CCDC170: variants seen among roughly 807,000 people sequenced by gnomAD.
CCDC170 encodes coiled-coil domain containing 170, also known as coiled-coil domain-containing protein 170.
CCDC170 carries 69 observed loss-of-function variants against 72.6 expected under a neutral mutation model. The observed-to-expected ratio is 0.95, with a 90% CI of 0.78 to 1.16. The LOEUF (loss-of-function observed/expected upper bound fraction) is 1.16. CCDC170 is among the 50% of genes most tolerant of loss of function. The pLI is 0.00. For synonymous variants in CCDC170, 300 were observed against 303.9 expected, an observed-to-expected ratio of 0.99 and a Z score of 0.13; for missense variants, 852 against 832.5, an observed-to-expected ratio of 1.02 and a Z score of -0.29.
chr6:151,568,222 G>A (rs1776167230), intron 5 of CCDC170, among the ~76,000 whole-genome samples: 2 of 151,230 alleles, frequency 1.3e-5, no homozygotes, highest in Non-Finnish European at 2.9e-5. Flanking sequence ...TGATCTTGTT[G>A]GGACTGTGAA....
intron 9 of CCDC170, among the ~76,000 whole-genome samples, chr6:151,605,980 C>A (rs1240506981): frequency 6.6e-6 from 1 of 150,880 alleles, no homozygotes; most frequent in East Asian, 2.0e-4. Context: ...CAGCTCACTG[C>A]AACCTCTGCC....
intron 9 of CCDC170, among the ~76,000 whole-genome samples, chr6:151,600,574 T>C (rs890910137): frequency 1.3e-5 from 2 of 152,110 alleles, no homozygotes; most frequent in African/African-American, 4.8e-5. Flanking sequence ...CAAAGGCCCT[T>C]ATCTAAATAA....
intron 4 of CCDC170, among the ~76,000 whole-genome samples, chr6:151,547,275 A>G (rs1210268385): frequency 6.6e-6 from 1 of 152,216 alleles, no homozygotes; most frequent in Admixed American, 6.5e-5. Flanking sequence ...ATGAGACAAG[A>G]CTATGTCTAT....
intron 4 of CCDC170, 29 bp from the exon 5 acceptor site, chr6:151,548,275 T>C (rs748166775): frequency 4.0e-6 from 6 of 1,487,210 alleles, no homozygotes; most frequent in East Asian, 4.6e-5. Flanking sequence ...TTAATTTTTA[T>C]AGGACAGCTG....
In CCDC170 at chr6:151,596,428, C is replaced by T. The variant is rs376587476; in HGVS notation, c.1561C>T (p.Arg521Cys). 27 of 1,613,986 alleles carry T rather than the reference C, an allele frequency of 1.7e-5. No individual in the cohort carries two copies. The highest frequency in any genetic ancestry group is 3.3e-4 in the Middle Eastern group (2 of 6,084). ...CCAGCTGGAGGAGGAGAAGCAGGCA[C>T]GCACGGCCTTGGTGGTTGAGAGGGA... ...IAQLEEEKQA[R>C]TALVVERDNA... The change falls in exon 9 of 11, where the codon CGC becomes TGC. Residue 521 changes from arginine to cysteine, a missense_variant. Transcript: ENST00000239374.
At chr6:151,497,381 AAAAAT>A (rs1241967676) in intron 1 of CCDC170, among the ~76,000 whole-genome samples, 1 of 152,206 alleles carries the variant, frequency 6.6e-6, no homozygotes, top group African/African-American at 2.4e-5. Context: ...ACCCTGGCTC[AAAAAT>A]AAAATAAAAA....
chr6:151,573,055 T>A, intron 5 of CCDC170, 119 bp from the exon 6 acceptor site: 1 of 828,142 alleles, frequency 1.2e-6, no homozygotes, highest in Non-Finnish European at 1.9e-6. Flanking sequence ...ATGGAAGGAG[T>A]AATTAACCCA....
intron 6 of CCDC170, among the ~76,000 whole-genome samples, chr6:151,574,418 T>C (rs573107025): frequency 1.3e-5 from 2 of 152,250 alleles, no homozygotes; most frequent in South Asian, 4.2e-4. Context: ...TTTGTTTTCT[T>C]ATCTACAGAA....
At chr6:151,537,389 T>C (rs750764845) in intron 2 of CCDC170, among the ~76,000 whole-genome samples, 7 of 152,200 alleles carry the variant, frequency 4.6e-5, no homozygotes, top group East Asian at 1.9e-4. Flanking sequence ...AAGAAGTAGA[T>C]GCTTTCATAA....
At chr6:151,617,546 T>C (rs983666178) in intron 10 of CCDC170, among the ~76,000 whole-genome samples, 2 of 151,144 alleles carry the variant, frequency 1.3e-5, no homozygotes, top group Admixed American at 6.7e-5. Context: ...CTTCCTAGTA[T>C]GCAGAGCACA....
chr6:151,572,669 T>TTTTTTTTTTTTTTTTTTTTTG (rs1776239906), intron 5 of CCDC170, among the ~76,000 whole-genome samples: 2 of 142,644 alleles, frequency 1.4e-5, no homozygotes, highest in Non-Finnish European at 1.5e-5. Flanking sequence ...TTTTTTTTTT[T>TTTTTTTTTTTTTTTTTTTTTG]GATGGAGTCT....
In CCDC170 at chr6:151,573,633, A is replaced by G. The variant is rs1776261730; in HGVS notation, c.1092+142A>G. The G allele has an allele frequency of 6.9e-6, 6 of 869,918 alleles. No homozygotes were observed. In the East Asian group the frequency reaches 1.6e-4, roughly 23 times the overall value. The allele number at this position is 869,918 out of a possible 1,614,324, so 53.9% of individuals were successfully genotyped here. On this transcript the variant is annotated intron_variant, in intron 6 of 10. Transcript: ENST00000239374. ...GTAATTTATAAAGACAAAGAGGTTT[A>G]ATGGATTCACAGTTCCACATGGCTG... is the stretch of plus-strand genomic sequence containing the variant.
chr6:151,510,987 C>T lies in CCDC170; in HGVS notation c.57+16802C>T, dbSNP rs184711293. Among the ~76,000 whole-genome samples the T allele has an allele frequency of 2.4e-3, 369 of 152,230 alleles. 2 individuals are homozygous for T. Among genetic ancestry groups the T allele is most frequent in the Non-Finnish European group, 3.0e-3 (203 of 68,004 alleles). On this transcript the variant is annotated intron_variant, in intron 1 of 10. Coordinates refer to ENST00000239374, the MANE Select transcript of CCDC170 (RefSeq NM_025059.4). The stretch of plus-strand genomic sequence containing the variant: ...CAGACCTCAGGTGATCCACCTGCTT[C>T]GGCCTCCCAAAGTGCTGGGATTTCA...
chr6:151,616,928 T>G (rs1359024608), intron 10 of CCDC170, among the ~76,000 whole-genome samples: 1 of 152,126 alleles, frequency 6.6e-6, no homozygotes, highest in Non-Finnish European at 1.5e-5. Flanking sequence ...CACCTCCTAA[T>G]AGCTTCACAT....
At chr6:151,611,488 G>A (rs186638410) in intron 9 of CCDC170, among the ~76,000 whole-genome samples, 2 of 152,210 alleles carry the variant, frequency 1.3e-5, no homozygotes, top group East Asian at 3.9e-4. Flanking sequence ...GGTAGAAGGG[G>A]TGAGGCAGCT....
intron 4 of CCDC170, among the ~76,000 whole-genome samples, chr6:151,547,020 G>A (rs1782785019): frequency 6.7e-6 from 1 of 150,330 alleles, no homozygotes; most frequent in Non-Finnish European, 1.5e-5. Flanking sequence ...AATTGGCCCA[G>A]ATCAGGAAGT....
At chr6:151,544,871 G>T (rs1306338825) in intron 4 of CCDC170, among the ~76,000 whole-genome samples, 155 bp downstream of exon 4, 1 of 152,096 alleles carries the variant, frequency 6.6e-6, no homozygotes, top group Non-Finnish European at 1.5e-5. Flanking sequence ...GACAAGTCAC[G>T]TCACCTGCCT....
intron 1 of CCDC170, among the ~76,000 whole-genome samples, chr6:151,528,247 G>A (rs531689466): frequency 6.6e-6 from 1 of 152,002 alleles, no homozygotes; most frequent in Admixed American, 6.6e-5. Context: ...ATTTAATCTT[G>A]CCATTTTAAA....
intron 1 of CCDC170, among the ~76,000 whole-genome samples, chr6:151,520,186 C>T (rs147930753): frequency 9.2e-4 from 140 of 152,272 alleles, no homozygotes; most frequent in African/African-American, 2.9e-3. Flanking sequence ...GGGAGGAAGA[C>T]ATTGATTACT....
Sources: allele counts gnomAD v4.1 joint callset (sites outside exome capture counted in the v4.1 genomes callset), GRCh38; gene constraint gnomAD v4.1.1; transcripts MANE v1.5; gene names NCBI Gene and HGNC (gene_info 2026-07-23, HGNC 2026-07-21).